Variants in ME1 observed in about 807,000 individuals in gnomAD.
The protein encoded by ME1 is malic enzyme 1, also known as NADP-dependent malic enzyme.
ME1 carries 74 observed loss-of-function variants against 66.4 expected under a neutral mutation model. That is an observed-to-expected ratio of 1.11 (90% CI 0.92 to 1.35). The LOEUF (loss-of-function observed/expected upper bound fraction) is 1.35, where lower values mean the gene tolerates loss of function less well. Among genes scored for constraint, ME1 ranks in the 40% most tolerant of loss-of-function variants. The probability of loss-of-function intolerance (pLI) is 0.00; values close to 1 mark genes in which losing one functional copy is unlikely to be tolerated. For synonymous variants in ME1, 251 were observed against 235.6 expected (o/e 1.07, Z -0.60); for missense variants, 750 against 694.1 (o/e 1.08, Z -0.90).
intron 6 of ME1, among the ~76,000 whole-genome samples, chr6:83,264,890 A>G (rs1364886237): frequency 6.6e-6 from 1 of 152,232 alleles, no homozygotes; most frequent in Non-Finnish European, 1.5e-5. Flanking sequence ...AATATCACAT[A>G]AACTCAGTTG....
chr6:83,242,822 A>C (rs1790533332), intron 7 of ME1, among the ~76,000 whole-genome samples: 1 of 152,142 alleles, frequency 6.6e-6, no homozygotes, highest in South Asian at 2.1e-4. Flanking sequence ...AGACTTGAGA[A>C]AGCTGAATTG....
In ME1 at chr6:83,253,656, A is replaced by G; in HGVS notation, c.787T>C (p.Tyr263His). 1 of 1,609,062 alleles carries G rather than the reference A, an allele frequency of 6.2e-7. No homozygotes were observed. The highest frequency in any genetic ancestry group is 2.2e-5 in the East Asian group (1 of 44,722). ...TGAATATCATCATTGAATGTGCAAT[A>G]CTGGTTTCGATACTTGTTCAGGAGA... ...FRLLNKYRNQ[Y>H]CTFNDDIQGT... Residue 263 changes from tyrosine (Y) to histidine (H), a missense_variant, in exon 7 of 14, where the codon TAT becomes CAT. Tyr to His is a moderately conservative substitution (Grantham distance 83). Transcript: ENST00000369705.
At chr6:83,398,556 G>A in intron 2 of ME1, 40 bp from the exon 3 acceptor site, 2 of 1,060,558 alleles carry the variant, frequency 1.9e-6, no homozygotes, top group South Asian at 1.6e-5. Context: ...ATCCCATAAA[G>A]TCATGAAATA....
At chr6:83,238,411 G>A (rs1790452439) in intron 8 of ME1, among the ~76,000 whole-genome samples, 1 of 152,116 alleles carries the variant, frequency 6.6e-6, no homozygotes, top group South Asian at 2.1e-4. Flanking sequence ...ACAAACAAGT[G>A]CTAGTTTTGA....
chr6:83,379,533 CA>C (rs1163915736), intron 3 of ME1, among the ~76,000 whole-genome samples: 1 of 151,952 alleles, frequency 6.6e-6, no homozygotes, highest in Non-Finnish European at 1.5e-5. Flanking sequence ...ACACCGTTTT[CA>C]GTAATTTTTA....
chr6:83,253,692 TC>T lies in ME1; in HGVS notation c.750del (p.Asn251MetfsTer6). 6.2e-7 allele frequency: 1 copy of T among 1,611,272 alleles called. No homozygotes were observed. The highest frequency in any genetic ancestry group is 8.5e-7 in the Non-Finnish European group (1 of 1,177,980). ...CLIQFEDFAN[V>X]NAFRLLNKYR... ...TACTTGTTCAGGAGACGAAATGCAT[TC>T]ACATTGGCAAAATCTTCAAACTGAA... On this transcript the variant is annotated frameshift_variant, in exon 7 of 14. Coordinates refer to ENST00000369705, the MANE Select transcript of ME1 (RefSeq NM_002395.6). LOFTEE classifies it high-confidence loss of function.
intron 5 of ME1, among the ~76,000 whole-genome samples, chr6:83,330,666 A>C (rs1241892018): frequency 6.6e-6 from 1 of 152,206 alleles, no homozygotes. Flanking sequence ...CTATACAATC[A>C]GTATTTCTAA....
At position 83,324,511 on chromosome 6, in the gene ME1, T is replaced by G. The variant is rs1471914361; in HGVS notation, c.601-9098A>C. Among the ~76,000 whole-genome samples, 3 of 151,774 alleles carry G rather than the reference T, an allele frequency of 2.0e-5. No individual in the cohort carries two copies. In the East Asian group the frequency reaches 5.8e-4, roughly 29 times the overall value. On this transcript the variant is annotated intron_variant, in intron 5 of 13. Transcript: ENST00000369705. Reference sequence around the variant, plus strand: ...AAAATGATAAAGGGGAGATCACCACTGATCCCACAGAAATACAAACTACCA... The same window carrying G: ...AAAATGATAAAGGGGAGATCACCACGGATCCCACAGAAATACAAACTACCA...
At chr6:83,347,115 G>A (rs369594076) in intron 4 of ME1, among the ~76,000 whole-genome samples, 4 of 151,754 alleles carry the variant, frequency 2.6e-5, no homozygotes, top group South Asian at 2.1e-4. Flanking sequence ...CACCACGCCC[G>A]GCTAATTTTT....
intron 6 of ME1, among the ~76,000 whole-genome samples, chr6:83,300,885 C>T (rs1197795349): frequency 3.3e-5 from 5 of 152,114 alleles, no homozygotes; most frequent in Admixed American, 1.3e-4. Context: ...GATGAGTTCA[C>T]GTCCTTTGTA....
chr6:83,270,328 C>G lies in ME1; in HGVS notation c.705-16590G>C, dbSNP rs539480622. On this transcript the variant is annotated intron_variant, in intron 6 of 13. Coordinates refer to ENST00000369705, the MANE Select transcript of ME1 (RefSeq NM_002395.6). ...TGAAGTTGTTAGCTAAACTGCACAA[C>G]AAATCAGGTCCCAGATTTCTTGTTA... 5.9e-5 allele frequency among the ~76,000 whole-genome samples: 9 copies of G among 152,230 alleles called. No homozygotes were observed. In the East Asian group the frequency reaches 1.5e-3, roughly 26 times the overall value.
At chr6:83,253,436 G>T (rs922805912) in intron 7 of ME1, among the ~76,000 whole-genome samples, 193 bp downstream of exon 7, 4 of 151,778 alleles carry the variant, frequency 2.6e-5, no homozygotes, top group African/African-American at 9.7e-5. Context: ...TGATAATATG[G>T]TATATTATAC....
intron 12 of ME1, among the ~76,000 whole-genome samples, chr6:83,221,325 A>G (rs1314258530): frequency 2.0e-5 from 3 of 152,252 alleles, no homozygotes; most frequent in African/African-American, 7.2e-5. Context: ...GACTTGTCAC[A>G]AAAAGATTCC....
At chr6:83,333,874 T>C (rs2128542476) in intron 5 of ME1, among the ~76,000 whole-genome samples, 1 of 152,346 alleles carries the variant, frequency 6.6e-6, no homozygotes, top group East Asian at 1.9e-4. Flanking sequence ...CCAAAATTAA[T>C]TATTCTGATT....
chr6:83,264,252 A>T (rs1011925854), intron 6 of ME1, among the ~76,000 whole-genome samples: 9 of 152,162 alleles, frequency 5.9e-5, no homozygotes, highest in African/African-American at 2.2e-4. Flanking sequence ...TGCTAATGAG[A>T]CCTACTGCTC....
chr6:83,416,839 T>G (rs1313966344), intron 1 of ME1, among the ~76,000 whole-genome samples: 1 of 148,184 alleles, frequency 6.7e-6, no homozygotes. Context: ...AAAGCTGCAG[T>G]GAGTCAAGAT....
intron 5 of ME1, among the ~76,000 whole-genome samples, chr6:83,330,149 C>T (rs1182433266): frequency 6.6e-6 from 1 of 152,106 alleles, no homozygotes; most frequent in African/African-American, 2.4e-5. Context: ...TGAAAGTATT[C>T]TTTAAATATT....
rs904957616 is a variant in ME1, at chr6:83,378,555, C to T, written c.362+19812G>A. On this transcript the variant is annotated intron_variant, in intron 3 of 13. Coordinates refer to ENST00000369705, the MANE Select transcript of ME1 (RefSeq NM_002395.6). ...TTGAATGAGTCAGAAATAATCTTTG[C>T]CGAAGACAGTTTGCTATATTGTTAA... Among the ~76,000 whole-genome samples, 12 of 152,016 alleles carry T rather than the reference C, an allele frequency of 7.9e-5. No individual in the cohort carries two copies. The East Asian group carries it at 2.3e-3, about 29-fold the overall frequency.
chr6:83,212,647 T>C (rs1789914898), intron 13 of ME1, among the ~76,000 whole-genome samples: 2 of 152,216 alleles, frequency 1.3e-5, no homozygotes, highest in South Asian at 4.1e-4. Context: ...TGGGGACCCC[T>C]CAGAGCTGGC....
Sources: gnomAD v4.1 joint callset for allele counts (sites outside exome capture counted in the v4.1 genomes callset) on GRCh38, gnomAD v4.1.1 for gene constraint, MANE v1.5 for transcripts, NCBI Gene and HGNC (gene_info 2026-07-23, HGNC 2026-07-21) for gene names.